Variants in FRS2 observed in about 807,000 individuals in gnomAD.
FRS2 encodes the protein fibroblast growth factor receptor substrate 2.
FRS2 carries 8 observed loss-of-function variants against 43.9 expected under a neutral mutation model. The observed-to-expected ratio is 0.18, with a 90% CI of 0.11 to 0.33. The LOEUF (loss-of-function observed/expected upper bound fraction) is 0.33, where lower values mean the gene tolerates loss of function less well. Ranked by LOEUF, FRS2 falls within the 10% of genes least tolerant of loss-of-function variation. The pLI is 1.00. For synonymous variants in FRS2, 219 were observed against 220.3 expected (o/e 0.99, Z 0.05); for missense variants, 534 against 627.6 (o/e 0.85, Z 1.59).
chr12:69,545,772 A>AAAAAAAC (rs1461522642), intron 3 of FRS2, among the ~76,000 whole-genome samples: 1 of 146,952 alleles, frequency 6.8e-6, no homozygotes, highest in African/African-American at 2.6e-5. Context: ...AAAAAAAAAA[A>AAAAAAAC]AAAAAACAAA....
At position 69,534,900 on chromosome 12, in the gene FRS2, G is replaced by T. The variant is rs569852779; in HGVS notation, c.-122+2844G>T. Reference sequence around the variant, plus strand: ...GGCAATGAATTTATTTTGCTTGATAGATACATATTTTTATTGTTTTTTAAA... The same window carrying T: ...GGCAATGAATTTATTTTGCTTGATATATACATATTTTTATTGTTTTTTAAA... On this transcript the variant is annotated intron_variant, in intron 3 of 8. Transcript: ENST00000549921. Among the ~76,000 whole-genome samples, 3 of 152,152 alleles carry T rather than the reference G, an allele frequency of 2.0e-5. 1 individual carries two copies. Among genetic ancestry groups the T allele is most frequent in the African/African-American group, 7.2e-5 (3 of 41,434 alleles).
At chr12:69,498,342 C>T (rs893287040) in intron 1 of FRS2, among the ~76,000 whole-genome samples, 1 of 152,066 alleles carries the variant, frequency 6.6e-6, no homozygotes, top group Non-Finnish European at 1.5e-5. Context: ...CTAGTAGAGG[C>T]TGAGACAGAG....
chr12:69,536,641 A>G (rs1001846034), intron 3 of FRS2, among the ~76,000 whole-genome samples: 1 of 149,962 alleles, frequency 6.7e-6, no homozygotes, highest in East Asian at 2.0e-4. Context: ...GTGCAGTGGC[A>G]CGATCCTTTA....
intron 3 of FRS2, among the ~76,000 whole-genome samples, chr12:69,548,536 G>C (rs1593033151): frequency 6.6e-6 from 1 of 152,172 alleles, no homozygotes; most frequent in East Asian, 1.9e-4. Flanking sequence ...AAAAGCTGTT[G>C]ATCGTGGTTC....
At chr12:69,473,803 G>T (rs545214592) in intron 1 of FRS2, among the ~76,000 whole-genome samples, 1 of 152,250 alleles carries the variant, frequency 6.6e-6, no homozygotes, top group East Asian at 1.9e-4. Context: ...TGGCGAGGAG[G>T]AGGGGTTTTT....
intron 1 of FRS2, among the ~76,000 whole-genome samples, chr12:69,482,816 ATAT>A (rs1206304062): frequency 1.3e-5 from 2 of 152,190 alleles, no homozygotes; most frequent in Non-Finnish European, 2.9e-5. Context: ...AAATTGACTG[ATAT>A]TTTCATTTAA....
At chr12:69,494,450 A>C (rs76907293) in intron 1 of FRS2, among the ~76,000 whole-genome samples, 1 of 152,292 alleles carries the variant, frequency 6.6e-6, no homozygotes, top group East Asian at 1.9e-4. Context: ...GAGGTTATAT[A>C]ATTTGCTGCA....
At chr12:69,564,884 A>G (rs1880157733) in intron 4 of FRS2, among the ~76,000 whole-genome samples, 1 of 152,214 alleles carries the variant, frequency 6.6e-6, no homozygotes, top group African/African-American at 2.4e-5. Flanking sequence ...CAAGGCTTTC[A>G]TATCACATAT....
intron 1 of FRS2, among the ~76,000 whole-genome samples, chr12:69,482,134 G>A (rs1007883688): frequency 3.9e-5 from 6 of 152,002 alleles, no homozygotes; most frequent in African/African-American, 1.4e-4. Flanking sequence ...TAAGGCTTGT[G>A]TAGAAGAGGT....
At chr12:69,533,821 A>G (rs1315400139) in intron 3 of FRS2, among the ~76,000 whole-genome samples, 5 of 152,220 alleles carry the variant, frequency 3.3e-5, no homozygotes, top group Non-Finnish European at 7.3e-5. Flanking sequence ...AAAATCAGGT[A>G]TACTGGATTA....
chr12:69,490,758 G>A (rs1330884852), intron 1 of FRS2, among the ~76,000 whole-genome samples: 1 of 152,102 alleles, frequency 6.6e-6, no homozygotes, highest in East Asian at 1.9e-4. Flanking sequence ...TTGATGCAAA[G>A]TTGCCATGGT....
At chr12:69,565,178 C>G (rs1398364183) in intron 4 of FRS2, among the ~76,000 whole-genome samples, 1 of 152,146 alleles carries the variant, frequency 6.6e-6, no homozygotes, top group African/African-American at 2.4e-5. Flanking sequence ...AGTTGTAACA[C>G]AATGGTAAGT....
chr12:69,515,302 G>A (rs1874881056), intron 1 of FRS2, among the ~76,000 whole-genome samples: 1 of 152,148 alleles, frequency 6.6e-6, no homozygotes, highest in Non-Finnish European at 1.5e-5. Flanking sequence ...TATGTGTTTA[G>A]GTAGTTTAAG....
At chr12:69,498,880 G>A (rs1873173475) in intron 1 of FRS2, among the ~76,000 whole-genome samples, 1 of 152,122 alleles carries the variant, frequency 6.6e-6, no homozygotes, top group South Asian at 2.1e-4. Flanking sequence ...TAACACTATT[G>A]TTTATTGAGC....
rs3835002 is a variant in FRS2, at chr12:69,568,724, GTT to G, written c.-26-272_-26-271del. On this transcript the variant is annotated intron_variant, in intron 4 of 8. Transcript: ENST00000549921. ...ATATTATATATGAGACCTTAAGTTG[GTT>G]TTTTTTTTAGATGATTTTAGAATAG... Among the ~76,000 whole-genome samples the G allele has an allele frequency of 2.2e-4, 33 of 150,678 alleles. 1 individual carries two copies. The highest frequency in any genetic ancestry group is 3.4e-3 in the Middle Eastern group (1 of 292).
chr12:69,501,693 A>C (rs1873455996), intron 1 of FRS2, among the ~76,000 whole-genome samples: 1 of 152,174 alleles, frequency 6.6e-6, no homozygotes, highest in African/African-American at 2.4e-5. Flanking sequence ...CAGTTTCTTC[A>C]AGCATATCAG....
chr12:69,566,837 C>G (rs1269665543), intron 4 of FRS2, among the ~76,000 whole-genome samples: 1 of 152,154 alleles, frequency 6.6e-6, no homozygotes, highest in Non-Finnish European at 1.5e-5. Context: ...GATCAAGTCT[C>G]AAATCTAGGG....
At chr12:69,563,367 C>G (rs1880023572) in intron 4 of FRS2, among the ~76,000 whole-genome samples, 2 of 152,208 alleles carry the variant, frequency 1.3e-5, no homozygotes. Flanking sequence ...GTGTCTATCC[C>G]TCACTCATGC....
At chr12:69,503,681 T>C (rs1243197536) in intron 1 of FRS2, among the ~76,000 whole-genome samples, 1 of 152,074 alleles carries the variant, frequency 6.6e-6, no homozygotes, top group African/African-American at 2.4e-5. Flanking sequence ...CAGTAGTTGG[T>C]AGGAACTGCT....
Sources: allele counts gnomAD v4.1 joint callset (sites outside exome capture counted in the v4.1 genomes callset), GRCh38; gene constraint gnomAD v4.1.1; transcripts MANE v1.5; gene names NCBI Gene and HGNC (gene_info 2026-07-23, HGNC 2026-07-21).